The following ASTN1 variants were observed in gnomAD, a reference collection of about 807,000 sequenced individuals.
ASTN1 encodes astrotactin-1.
In ASTN1, 41 loss-of-function variants were observed where a neutral mutation model predicts 140.7. The observed-to-expected ratio is 0.29, with a 90% CI of 0.23 to 0.38. The LOEUF (loss-of-function observed/expected upper bound fraction) is 0.38. ASTN1 is among the 10% of genes least tolerant of loss of function. The probability of loss-of-function intolerance (pLI) is 1.00; values close to 1 mark genes in which losing one functional copy is unlikely to be tolerated. For missense variants in ASTN1, 1,479 were observed against 1,678.8 expected (o/e 0.88, Z 2.08); for synonymous variants, 640 against 652.2 (o/e 0.98, Z 0.29).
intron 2 of ASTN1, among the ~76,000 whole-genome samples, chr1:177,036,036 C>CT (rs869200407): frequency 0.045 from 3,548 of 78,860 alleles, 723 homozygotes; most frequent in African/African-American, 0.13. Flanking sequence ...CCTCAGCTTT[C>CT]TTTTTTTTTT....
chr1:177,079,874 G>A (rs182150311), intron 1 of ASTN1, among the ~76,000 whole-genome samples: 4 of 151,936 alleles, frequency 2.6e-5, no homozygotes, highest in South Asian at 2.1e-4. Flanking sequence ...ACCAGGTCTC[G>A]TTCTGTTATT....
intron 3 of ASTN1, 33 bp downstream of exon 3, chr1:177,032,423 C>T: frequency 1.3e-6 from 2 of 1,595,886 alleles, no homozygotes; most frequent in Non-Finnish European, 8.5e-7. Flanking sequence ...AGATGAAGGA[C>T]CAAACAGCCC....
intron 8 of ASTN1, among the ~76,000 whole-genome samples, chr1:176,969,565 AG>A (rs879783189): frequency 1.1e-4 from 16 of 152,090 alleles, no homozygotes; most frequent in Non-Finnish European, 2.4e-4. Context: ...TAATGGTAAG[AG>A]TGTTGCCTCA....
chr1:177,067,782 G>A (rs760998583), intron 1 of ASTN1, among the ~76,000 whole-genome samples: 2 of 152,076 alleles, frequency 1.3e-5, no homozygotes, highest in African/African-American at 2.4e-5. Flanking sequence ...TAATGTCCTG[G>A]CCATCTGTGA....
At chr1:177,051,661 G>A (rs894002994) in intron 2 of ASTN1, among the ~76,000 whole-genome samples, 1 of 152,252 alleles carries the variant, frequency 6.6e-6, no homozygotes, top group Admixed American at 6.5e-5. Flanking sequence ...ATTTAAAGAT[G>A]ACCTCGGGTC....
At position 177,086,528 on chromosome 1, in the gene ASTN1, G is replaced by C. The variant is rs149503694; in HGVS notation, c.284-25263C>G. On this transcript the variant is annotated intron_variant, in intron 1 of 22. Transcript: ENST00000361833. ...ATTTAGATGCTCAGCAGAAGGGATG[G>C]ATAAATGATGTTATGCACATATGAT... Among the ~76,000 whole-genome samples the C allele has an allele frequency of 8.9e-3, 1,348 of 152,248 alleles. 20 individuals are homozygous for C. The highest frequency in any genetic ancestry group is 0.031 in the African/African-American group (1,286 of 41,560).
chr1:177,022,397 C>T (rs1675877672), intron 7 of ASTN1, among the ~76,000 whole-genome samples: 1 of 152,164 alleles, frequency 6.6e-6, no homozygotes, highest in Admixed American at 6.5e-5. Context: ...TGGGAAGGAT[C>T]TATTTGTGGT....
intron 18 of ASTN1, among the ~76,000 whole-genome samples, chr1:176,887,796 G>A (rs1017953981): frequency 2.0e-5 from 3 of 151,876 alleles, no homozygotes; most frequent in Non-Finnish European, 2.9e-5. Flanking sequence ...AAGTTCAAGC[G>A]CCACCTCCTC....
In ASTN1 at chr1:176,863,136, A is replaced by G. The variant is rs1387097837; in HGVS notation, c.*1148T>C. On this transcript the variant is annotated 3_prime_UTR_variant, in exon 23 of 23. Transcript: ENST00000361833. ...TAACTGCAATCAGTGGTGCTTCCCT[A>G]CACAGAATCCCTGTGACTGGATGGG... is the stretch of plus-strand genomic sequence containing the variant. 3.0e-6 allele frequency: 3 copies of G among 985,776 alleles called. No individual in the cohort carries two copies. Among genetic ancestry groups the G allele is most frequent in the African/African-American group, 1.7e-5 (1 of 57,246 alleles). The allele number at this position is 985,776 out of a possible 1,614,324, so 61.1% of individuals were successfully genotyped here.
intron 16 of ASTN1, among the ~76,000 whole-genome samples, chr1:176,911,368 T>C (rs951624940): frequency 1.3e-5 from 2 of 152,188 alleles, no homozygotes; most frequent in Non-Finnish European, 2.9e-5. Context: ...CAATAATAAA[T>C]TAACTTTAGC....
intron 20 of ASTN1, 60 bp from the exon 21 acceptor site, chr1:176,876,697 G>T: frequency 6.5e-7 from 1 of 1,541,828 alleles, no homozygotes; most frequent in South Asian, 1.1e-5. Flanking sequence ...CTAGATCTCT[G>T]TGGCCCTAGC....
intron 17 of ASTN1, among the ~76,000 whole-genome samples, chr1:176,891,436 T>C (rs1029089726): frequency 6.6e-6 from 1 of 152,128 alleles, no homozygotes. Flanking sequence ...AACATCCTCA[T>C]AGTCTAGAGG....
intron 8 of ASTN1, among the ~76,000 whole-genome samples, chr1:176,971,183 C>T (rs1673125694): frequency 6.6e-6 from 1 of 152,116 alleles, no homozygotes; most frequent in African/African-American, 2.4e-5. Context: ...TGGAGAAAGG[C>T]AGTTTGCAAT....
At chr1:177,084,750 T>G (rs76737870) in intron 1 of ASTN1, among the ~76,000 whole-genome samples, 7,669 of 152,204 alleles carry the variant, frequency 0.05, 251 homozygotes, top group South Asian at 0.13. Context: ...ATAAAAGTAA[T>G]TCCCACCCCA....
intron 16 of ASTN1, among the ~76,000 whole-genome samples, chr1:176,918,588 A>C (rs532064700): frequency 2.6e-5 from 4 of 151,286 alleles, no homozygotes; most frequent in African/African-American, 9.7e-5. Context: ...CCCAAGCCCC[A>C]CTCTATTGCC....
intron 8 of ASTN1, among the ~76,000 whole-genome samples, chr1:176,991,239 C>A (rs1455853945): frequency 6.6e-6 from 1 of 151,864 alleles, no homozygotes; most frequent in East Asian, 1.9e-4. Context: ...CATGGAGAAA[C>A]CCCGTCTCTA....
At chr1:176,931,475 T>TAAATAAATAAAC (rs1206506731) in intron 16 of ASTN1, among the ~76,000 whole-genome samples, 1 of 150,282 alleles carries the variant, frequency 6.7e-6, no homozygotes, top group Non-Finnish European at 1.5e-5. Context: ...TTTGAAAAAA[T>TAAATAAATAAAC]AAATAAATAA....
chr1:176,859,663 A>T (rs973092937), downstream of ASTN1, among the ~76,000 whole-genome samples: 2 of 152,160 alleles, frequency 1.3e-5, no homozygotes, highest in Non-Finnish European at 2.9e-5. Context: ...AGGCACCTGT[A>T]AACCCAGATA....
intron 1 of ASTN1, among the ~76,000 whole-genome samples, chr1:177,133,936 A>G (rs1682053406): frequency 6.6e-6 from 1 of 152,220 alleles, no homozygotes; most frequent in African/African-American, 2.4e-5. Flanking sequence ...AATATTTACT[A>G]TGTATCAGAT....
Sources: gnomAD v4.1 joint callset for allele counts (sites outside exome capture counted in the v4.1 genomes callset) on GRCh38, gnomAD v4.1.1 for gene constraint, MANE v1.5 for transcripts, NCBI Gene and HGNC (gene_info 2026-07-23, HGNC 2026-07-21) for gene names.